The following CBFB variants were observed in gnomAD, a reference collection of about 807,000 sequenced individuals.
CBFB encodes the protein CBF-beta.
A neutral mutation model predicts 30.4 loss-of-function variants in CBFB; 9 were observed. The observed-to-expected ratio is 0.30, with a 90% CI of 0.18 to 0.52. The LOEUF (loss-of-function observed/expected upper bound fraction) is 0.52. Ranked by LOEUF, CBFB falls within the 20% of genes least tolerant of loss-of-function variation. The pLI is 0.97. For missense variants in CBFB, 170 were observed against 244.0 expected (o/e 0.70, Z 2.02); for synonymous variants, 94 against 84.0 (o/e 1.12, Z -0.65).
intron 3 of CBFB, among the ~76,000 whole-genome samples, chr16:67,060,331 A>G (rs1295222651): frequency 6.6e-6 from 1 of 152,172 alleles, no homozygotes; most frequent in Non-Finnish European, 1.5e-5. Flanking sequence ...TCACTCTTTT[A>G]GAGTGTACGA....
At chr16:67,062,608 A>G (rs530857904) in intron 3 of CBFB, among the ~76,000 whole-genome samples, 1 of 151,714 alleles carries the variant, frequency 6.6e-6, no homozygotes, top group East Asian at 2.0e-4. Context: ...CCCGGCCAAC[A>G]TGGTGAAACC....
At chr16:67,078,407 C>G (rs1961466903) in intron 4 of CBFB, among the ~76,000 whole-genome samples, 1 of 151,926 alleles carries the variant, frequency 6.6e-6, no homozygotes, top group South Asian at 2.1e-4. Context: ...AAAATTAGCT[C>G]TGGTGGCACA....
chr16:67,049,429 TGA>T (rs1353158197), intron 3 of CBFB, among the ~76,000 whole-genome samples: 1 of 151,912 alleles, frequency 6.6e-6, no homozygotes, highest in African/African-American at 2.4e-5. Context: ...CTCGAACTCC[TGA>T]CCTCAGGTGA....
At chr16:67,074,917 G>A (rs1250239883) in intron 4 of CBFB, among the ~76,000 whole-genome samples, 1 of 152,178 alleles carries the variant, frequency 6.6e-6, no homozygotes, top group East Asian at 1.9e-4. Context: ...TAGAGGCCAG[G>A]CGCAGTGGCT....
intron 3 of CBFB, among the ~76,000 whole-genome samples, chr16:67,045,207 G>A (rs781687639): frequency 2.0e-5 from 3 of 152,046 alleles, no homozygotes; most frequent in South Asian, 2.1e-4. Flanking sequence ...AGAGGAAGTC[G>A]ACTTTCTGAA....
chr16:67,048,754 C>T (rs1208760707), intron 3 of CBFB, among the ~76,000 whole-genome samples: 2 of 148,912 alleles, frequency 1.3e-5, no homozygotes, highest in Non-Finnish European at 3.0e-5. Flanking sequence ...GGGTTTTCAC[C>T]ATGTTAGCCA....
chr16:67,083,638 C>A (rs1291535242), intron 5 of CBFB, among the ~76,000 whole-genome samples: 2 of 152,046 alleles, frequency 1.3e-5, no homozygotes, highest in African/African-American at 4.8e-5. Flanking sequence ...TCTTGTGTTT[C>A]TTTAGTTTTA....
chr16:67,062,127 T>TA (rs1272680745), intron 3 of CBFB, among the ~76,000 whole-genome samples: 1 of 152,126 alleles, frequency 6.6e-6, no homozygotes, highest in East Asian at 1.9e-4. Flanking sequence ...CATTTATAAA[T>TA]AAGTAATAAA....
chr16:67,059,976 CTT>C (rs370856366), intron 3 of CBFB, among the ~76,000 whole-genome samples: 5 of 132,902 alleles, frequency 3.8e-5, no homozygotes, highest in Admixed American at 7.3e-5. Context: ...TTCTTTCTTT[CTT>C]TTTTTTTTTT....
At position 67,091,279 on chromosome 16, in the gene CBFB, C is replaced by T. The variant is rs755815886; in HGVS notation, c.496-7431C>T. On this transcript the variant is annotated intron_variant, in intron 5 of 5. Transcript: ENST00000412916. ...CTTGTTTTAGTTTCTAAAAATTATT[C>T]TATCTGCAGGATATGGATTTTTCAA... is the stretch of plus-strand genomic sequence containing the variant. Among the ~76,000 whole-genome samples the T allele has an allele frequency of 3.9e-5, 6 of 152,182 alleles. 1 individual carries two copies. Among genetic ancestry groups the T allele is most frequent in the Admixed American group, 3.9e-4 (6 of 15,274 alleles).
Position 67,069,501 on chromosome 16 carries a change from C to T in CBFB, c.399+2703C>T, listed in dbSNP as rs570200265. On this transcript the variant is annotated intron_variant, in intron 4 of 5. Transcript: ENST00000412916. ...CTTGGGGACCTGTGGGACACCAGCACACGTATTAACATAAATGTAATGAAA... is the reference window on the plus strand; with the variant it reads ...CTTGGGGACCTGTGGGACACCAGCATACGTATTAACATAAATGTAATGAAA... 2.0e-5 allele frequency among the ~76,000 whole-genome samples: 3 copies of T among 152,128 alleles called. No homozygotes were observed. The South Asian group carries it at 6.2e-4, about 32-fold the overall frequency.
At chr16:67,060,873 A>G (rs1411340845) in intron 3 of CBFB, among the ~76,000 whole-genome samples, 1 of 152,124 alleles carries the variant, frequency 6.6e-6, no homozygotes, top group African/African-American at 2.4e-5. Flanking sequence ...CACGTTTCAT[A>G]TAATACGTAA....
intron 2 of CBFB, among the ~76,000 whole-genome samples, chr16:67,032,662 T>G (rs1256141765): frequency 1.3e-5 from 2 of 152,320 alleles, no homozygotes; most frequent in East Asian, 3.9e-4. Flanking sequence ...GGTACTTGAT[T>G]ATTTGAATTT....
chr16:67,082,464 T>C (rs1469703953), intron 5 of CBFB, 156 bp downstream of exon 5: 1 of 743,116 alleles, frequency 1.3e-6, no homozygotes, highest in East Asian at 2.8e-5. Context: ...TTATTAAATG[T>C]AATTGCTATA....
At chr16:67,095,677 C>T (rs1230361335) in intron 5 of CBFB, among the ~76,000 whole-genome samples, 1 of 149,044 alleles carries the variant, frequency 6.7e-6, no homozygotes, top group Non-Finnish European at 1.5e-5. Flanking sequence ...GGCAACACAG[C>T]AAGACCTCAT....
intron 2 of CBFB, among the ~76,000 whole-genome samples, chr16:67,031,307 T>C (rs187675696): frequency 6.6e-6 from 1 of 152,348 alleles, no homozygotes; most frequent in Admixed American, 6.5e-5. Flanking sequence ...GTAGTATTTA[T>C]ATGATTGAAG....
chr16:67,048,843 G>A (rs1597131860), intron 3 of CBFB, among the ~76,000 whole-genome samples: 1 of 105,934 alleles, frequency 9.4e-6, no homozygotes, highest in Non-Finnish European at 1.8e-5. Context: ...TTTTTGAGAT[G>A]GAGTTTCACT....
intron 3 of CBFB, among the ~76,000 whole-genome samples, chr16:67,062,585 A>G (rs1960942741): frequency 6.6e-6 from 1 of 151,156 alleles, no homozygotes. Flanking sequence ...TGAGGTCAGG[A>G]GTTCGAGAGC....
chr16:67,072,010 G>A (rs1261586403), intron 4 of CBFB, among the ~76,000 whole-genome samples: 1 of 152,066 alleles, frequency 6.6e-6, no homozygotes, highest in African/African-American at 2.4e-5. Context: ...CACACAGGCA[G>A]AAATAACTCT....
Sources: gnomAD v4.1 joint callset for allele counts (sites outside exome capture counted in the v4.1 genomes callset) on GRCh38, gnomAD v4.1.1 for gene constraint, MANE v1.5 for transcripts, NCBI Gene and HGNC (gene_info 2026-07-23, HGNC 2026-07-21) for gene names.